Variants in AGMO observed in about 807,000 individuals in gnomAD.
AGMO encodes glyceryl-ether monooxygenase.
Under a neutral mutation model 60.2 loss-of-function variants are expected in AGMO, and 75 were observed. The ratio of observed to expected loss-of-function variants is 1.25; its 90% CI spans 1.03 to 1.51. The LOEUF is 1.51. Among genes scored for constraint, AGMO ranks in the 40% most tolerant of loss-of-function variants. The probability of loss-of-function intolerance (pLI) is 0.00; values close to 1 mark genes in which losing one functional copy is unlikely to be tolerated. For synonymous variants in AGMO, 261 were observed against 177.1 expected (o/e 1.47, Z -3.76); for missense variants, 763 against 525.5 (o/e 1.45, Z -4.42).
At chr7:15,348,674 A>AT (rs1285632834) in intron 12 of AGMO, among the ~76,000 whole-genome samples, 1 of 152,078 alleles carries the variant, frequency 6.6e-6, no homozygotes, top group East Asian at 1.9e-4. Flanking sequence ...TACTAGAAAT[A>AT]AATATGAGTA....
In AGMO at chr7:15,390,858, T is replaced by G. The variant is rs762464012; in HGVS notation, c.724A>C (p.Ile242Leu). ...IDKNYAGVLI[I>L]WDKIFGTFEA... ...TACTTACCAAAAATTTTATCCCAAA[T>G]AATAAGAACACCAGCATAATTTTTG... Residue 242 changes from isoleucine to leucine, a missense_variant, in exon 7 of 13, where the codon ATT becomes CTT. Ile to Leu is a conservative substitution (Grantham distance 5). Transcript: ENST00000342526. 8 of 1,604,756 alleles carry G rather than the reference T, an allele frequency of 5.0e-6. No homozygotes were observed. The highest frequency in any genetic ancestry group is 6.8e-6 in the Non-Finnish European group (8 of 1,174,660).
chr7:15,201,555 G>A (rs1309218708), intron 12 of AGMO, among the ~76,000 whole-genome samples, 196 bp from the exon 13 acceptor site: 1 of 152,070 alleles, frequency 6.6e-6, no homozygotes, highest in Non-Finnish European at 1.5e-5. Flanking sequence ...GAAGACAGGA[G>A]CAGGAGTTAA....
the AGMO span, among the ~76,000 whole-genome samples, chr7:15,159,799 G>A: frequency 6.6e-6 from 1 of 152,096 alleles, no homozygotes; most frequent in Non-Finnish European, 1.5e-5. Flanking sequence ...TTCTACATGC[G>A]ATTCTCAAGG....
At chr7:15,526,589 C>G (rs559518802) in intron 3 of AGMO, among the ~76,000 whole-genome samples, 1 of 152,132 alleles carries the variant, frequency 6.6e-6, no homozygotes, top group Non-Finnish European at 1.5e-5. Flanking sequence ...ACCACTTAAG[C>G]CTTCTTGGGT....
At chr7:15,529,568 A>T (rs373213590) in intron 3 of AGMO, among the ~76,000 whole-genome samples, 1 of 65,386 alleles carries the variant, frequency 1.5e-5, no homozygotes, top group Non-Finnish European at 3.5e-5. Context: ...TATATATTCT[A>T]TATATAGAGT....
Position 15,201,319 on chromosome 7 carries a change from C to A in AGMO, c.1304G>T (p.Ser435Ile). The change falls in exon 13 of 13, where the codon AGC becomes ATC. Residue 435 changes from serine to isoleucine, a missense_variant. Physicochemically the swap from Ser to Ile is moderately radical, Grantham distance 142. Transcript: ENST00000342526. ...AGGGTGAGAGGTGAGTTGTTTCATG[C>A]TTCTAACTCCCCAGAAAGCAATGCA... Reference protein sequence around the residue: ...SICIAFWGVRSMKQLTSHPWK With the variant: ...SICIAFWGVRIMKQLTSHPWK 6.2e-7 allele frequency: 1 copy of A among 1,612,596 alleles called. No homozygotes were observed. The highest frequency in any genetic ancestry group is 2.2e-5 in the East Asian group (1 of 44,722).
intron 12 of AGMO, among the ~76,000 whole-genome samples, chr7:15,362,728 C>T (rs1782813661): frequency 6.6e-6 from 1 of 152,122 alleles, no homozygotes; most frequent in Non-Finnish European, 1.5e-5. Flanking sequence ...GATCATAAAC[C>T]AAAGATAATC....
intron 5 of AGMO, among the ~76,000 whole-genome samples, chr7:15,408,150 T>C (rs1443657063): frequency 6.6e-6 from 1 of 151,796 alleles, no homozygotes; most frequent in African/African-American, 2.4e-5. Flanking sequence ...AGGAAGCAAA[T>C]AGCAGGGCAG....
the AGMO span, among the ~76,000 whole-genome samples, chr7:15,136,995 C>T: frequency 6.6e-6 from 1 of 152,152 alleles, no homozygotes; most frequent in Non-Finnish European, 1.5e-5. Context: ...ATCCTATTTT[C>T]ATAAGATGCC....
chr7:15,357,106 T>A (rs1782564116), intron 12 of AGMO, among the ~76,000 whole-genome samples: 1 of 150,556 alleles, frequency 6.6e-6, no homozygotes, highest in African/African-American at 2.4e-5. Context: ...CGAGACTCTG[T>A]CTCATGAAAA....
At chr7:15,154,353 A>C in the AGMO span, among the ~76,000 whole-genome samples, 1 of 152,226 alleles carries the variant, frequency 6.6e-6, no homozygotes, top group Non-Finnish European at 1.5e-5. Context: ...TACAAGGAAA[A>C]CTCCAAAATA....
At chr7:15,143,203 C>T in the AGMO span, among the ~76,000 whole-genome samples, 7 of 152,246 alleles carry the variant, frequency 4.6e-5, no homozygotes, top group East Asian at 3.9e-4. Context: ...TGCTATTGAA[C>T]GTGAAATTGA....
At chr7:15,337,267 A>C (rs1386032008) in intron 12 of AGMO, among the ~76,000 whole-genome samples, 5 of 152,232 alleles carry the variant, frequency 3.3e-5, no homozygotes, top group African/African-American at 7.2e-5. Flanking sequence ...AATGCAGGAA[A>C]TATGCAAGAA....
intron 12 of AGMO, among the ~76,000 whole-genome samples, chr7:15,344,089 T>C (rs777278058): frequency 9.2e-5 from 14 of 152,166 alleles, no homozygotes; most frequent in Non-Finnish European, 8.8e-5. Flanking sequence ...AATTCCAAGT[T>C]TGAGAGTAAA....
chr7:15,438,606 G>C (rs536286833), intron 3 of AGMO, among the ~76,000 whole-genome samples: 87 of 152,286 alleles, frequency 5.7e-4, no homozygotes, highest in African/African-American at 1.8e-3. Flanking sequence ...CCAAGGTAAA[G>C]AACTCGTGTG....
At chr7:15,137,954 A>G in the AGMO span, among the ~76,000 whole-genome samples, 1 of 152,156 alleles carries the variant, frequency 6.6e-6, no homozygotes, top group African/African-American at 2.4e-5. Context: ...CAGTCTCCTC[A>G]TCACTTCTGA....
intron 12 of AGMO, among the ~76,000 whole-genome samples, chr7:15,285,031 C>T (rs1289539750): frequency 6.6e-6 from 1 of 151,888 alleles, no homozygotes; most frequent in East Asian, 1.9e-4. Context: ...TCTAGCATCA[C>T]TGTATGATAA....
intron 3 of AGMO, among the ~76,000 whole-genome samples, chr7:15,456,627 G>A (rs1175991889): frequency 1.3e-5 from 2 of 152,156 alleles, no homozygotes; most frequent in Non-Finnish European, 2.9e-5. Flanking sequence ...GCTCAGCTGT[G>A]CTGACAATCT....
At chr7:15,466,429 G>A (rs550832215) in intron 3 of AGMO, among the ~76,000 whole-genome samples, 4 of 152,082 alleles carry the variant, frequency 2.6e-5, no homozygotes, top group East Asian at 3.9e-4. Flanking sequence ...ACATATCACC[G>A]TGAGCACTTT....
Sources: gnomAD v4.1 joint callset for allele counts (sites outside exome capture counted in the v4.1 genomes callset) on GRCh38, gnomAD v4.1.1 for gene constraint, MANE v1.5 for transcripts, NCBI Gene and HGNC (gene_info 2026-07-23, HGNC 2026-07-21) for gene names.